TDRD3: variants seen among roughly 807,000 people sequenced by gnomAD.
TDRD3 encodes the protein tudor domain containing 3, also known as tudor domain-containing protein 3.
TDRD3 carries 45 observed loss-of-function variants against 86.7 expected under a neutral mutation model. That is an observed-to-expected ratio of 0.52 (90% CI 0.41 to 0.67). TDRD3 has a LOEUF of 0.67. TDRD3 is among the 30% of genes least tolerant of loss of function. TDRD3 has a pLI of 0.00. For missense variants in TDRD3, 814 were observed against 889.0 expected (o/e 0.92, Z 1.07); for synonymous variants, 298 against 301.7 (o/e 0.99, Z 0.13).
At chr13:60,531,987 T>G (rs752133096) in intron 11 of TDRD3, among the ~76,000 whole-genome samples, 1 of 152,200 alleles carries the variant, frequency 6.6e-6, no homozygotes, top group Non-Finnish European at 1.5e-5. Flanking sequence ...GCCAGGTGAT[T>G]GGGGCATATC....
At chr13:60,531,152 T>A (rs1328524911) in intron 11 of TDRD3, among the ~76,000 whole-genome samples, 1 of 152,186 alleles carries the variant, frequency 6.6e-6, no homozygotes, top group Non-Finnish European at 1.5e-5. Flanking sequence ...TTTCTTTTTC[T>A]CTGGAAAAGC....
At chr13:60,493,460 G>A (rs1213305450) in intron 7 of TDRD3, among the ~76,000 whole-genome samples, 3 of 151,964 alleles carry the variant, frequency 2.0e-5, no homozygotes, top group Non-Finnish European at 4.4e-5. Context: ...TCAGGAGTTC[G>A]AGACCAGCCT....
chr13:60,428,032 TC>T (rs1254014956), intron 1 of TDRD3, among the ~76,000 whole-genome samples: 2 of 152,018 alleles, frequency 1.3e-5, no homozygotes, highest in Non-Finnish European at 2.9e-5. Flanking sequence ...TAGGGGAGAA[TC>T]AGTAACTTAC....
intron 10 of TDRD3, among the ~76,000 whole-genome samples, chr13:60,513,457 T>G (rs532537185): frequency 6.6e-6 from 1 of 152,332 alleles, no homozygotes; most frequent in African/African-American, 2.4e-5. Context: ...AAAATGGGAT[T>G]TTCTTTTCTA....
intron 7 of TDRD3, among the ~76,000 whole-genome samples, 175 bp from the exon 8 acceptor site, chr13:60,494,260 T>C (rs1166991598): frequency 6.6e-6 from 1 of 152,224 alleles, no homozygotes; most frequent in Non-Finnish European, 1.5e-5. Context: ...AATAAGAGAT[T>C]GTGACTAGTA....
intron 1 of TDRD3, among the ~76,000 whole-genome samples, chr13:60,435,032 A>G (rs1594929550): frequency 6.6e-6 from 1 of 152,174 alleles, no homozygotes; most frequent in East Asian, 1.9e-4. Context: ...ATTCATTGGT[A>G]ATATTGGAGT....
At chr13:60,401,131 A>G (rs1284023541) in intron 1 of TDRD3, among the ~76,000 whole-genome samples, 1 of 152,176 alleles carries the variant, frequency 6.6e-6, no homozygotes, top group Non-Finnish European at 1.5e-5. Context: ...TTATCTGAAA[A>G]TCTGGTAAAT....
At chr13:60,554,426 T>C (rs1363031296) in intron 12 of TDRD3, among the ~76,000 whole-genome samples, 1 of 152,234 alleles carries the variant, frequency 6.6e-6, no homozygotes, top group Non-Finnish European at 1.5e-5. Flanking sequence ...TCTTACACAT[T>C]GCTTTACAAT....
chr13:60,518,430 T>C (rs999292930), intron 10 of TDRD3, among the ~76,000 whole-genome samples: 1 of 152,182 alleles, frequency 6.6e-6, no homozygotes, highest in African/African-American at 2.4e-5. Context: ...GAATGTTCTT[T>C]TATGCCACTA....
At chr13:60,492,117 A>G (rs1169456011) in intron 7 of TDRD3, among the ~76,000 whole-genome samples, 1 of 152,222 alleles carries the variant, frequency 6.6e-6, no homozygotes, top group Non-Finnish European at 1.5e-5. Flanking sequence ...TTAGAGCAGT[A>G]AAAAGCAACT....
intron 12 of TDRD3, among the ~76,000 whole-genome samples, chr13:60,564,728 T>G (rs557894620): frequency 6.6e-6 from 1 of 152,122 alleles, no homozygotes; most frequent in Non-Finnish European, 1.5e-5. Flanking sequence ...ATTAAAATTA[T>G]TTTTTTGAGT....
intron 10 of TDRD3, among the ~76,000 whole-genome samples, chr13:60,525,166 C>CTTT (rs71199006): frequency 0.012 from 692 of 56,170 alleles, 19 homozygotes; most frequent in Non-Finnish European, 0.014. Flanking sequence ...TAAGGGAATT[C>CTTT]TTTTTTTTTT....
At position 60,509,867 on chromosome 13, in the gene TDRD3, C is replaced by T. The variant is rs756283079; in HGVS notation, c.963C>T (p.Asn321=). 2.6e-5 allele frequency: 42 copies of T among 1,613,766 alleles called. 1 individual carries two copies. In the South Asian group the frequency reaches 2.9e-4, roughly 11 times the overall value. Reference sequence around the variant, plus strand: ...GCAACAACTTAGAAGCAGCACTGAACGTACTTCTTACAAGCAATAAACAGA... The same window carrying T: ...GCAACAACTTAGAAGCAGCACTGAATGTACTTCTTACAAGCAATAAACAGA... The part of the protein sequence containing the change: ...DNGNNLEAAL[N]VLLTSNKQKP... The change falls in exon 9 of 14, where the codon AAC becomes AAT. Residue 321 remains asparagine (N), a synonymous_variant. Coordinates refer to ENST00000377881, the MANE Select transcript of TDRD3 (RefSeq NM_001146070.2).
chr13:60,407,419 A>G (rs1357077421), intron 1 of TDRD3, among the ~76,000 whole-genome samples: 1 of 152,202 alleles, frequency 6.6e-6, no homozygotes, highest in Non-Finnish European at 1.5e-5. Context: ...TCTGAAATGA[A>G]TGTTGTGAAA....
At chr13:60,407,017 C>T (rs912073003) in intron 1 of TDRD3, among the ~76,000 whole-genome samples, 34 of 151,912 alleles carry the variant, frequency 2.2e-4, no homozygotes, top group African/African-American at 7.5e-4. Context: ...TGTAAAATAC[C>T]TAATGTGAAA....
chr13:60,469,359 A>C (rs985093434), intron 5 of TDRD3, among the ~76,000 whole-genome samples: 1 of 152,012 alleles, frequency 6.6e-6, no homozygotes, highest in African/African-American at 2.4e-5. Context: ...CCCACAACCC[A>C]GTCCCATAGC....
chr13:60,474,371 G>C (rs1956139450), intron 5 of TDRD3, among the ~76,000 whole-genome samples: 1 of 151,466 alleles, frequency 6.6e-6, no homozygotes, highest in Non-Finnish European at 1.5e-5. Context: ...GGTGGTAGTG[G>C]CCCCCCCCGG....
chr13:60,528,234 G>T, intron 10 of TDRD3, 133 bp from the exon 11 acceptor site: 1 of 1,008,066 alleles, frequency 9.9e-7, no homozygotes, highest in Non-Finnish European at 1.4e-6. Context: ...GTAAGATAAT[G>T]AGGTAGGAAG....
chr13:60,398,052 G>T (rs184559711), intron 1 of TDRD3, among the ~76,000 whole-genome samples: 8 of 152,292 alleles, frequency 5.3e-5, no homozygotes, highest in Non-Finnish European at 1.2e-4. Flanking sequence ...TTGAAAGGAT[G>T]GTGTTCTGAT....
Sources: allele counts gnomAD v4.1 joint callset (sites outside exome capture counted in the v4.1 genomes callset), GRCh38; gene constraint gnomAD v4.1.1; transcripts MANE v1.5; gene names NCBI Gene and HGNC (gene_info 2026-07-23, HGNC 2026-07-21).